Variants in CTNNA3 observed in about 807,000 individuals in gnomAD.
The protein encoded by CTNNA3 is catenin alpha 3.
Under a neutral mutation model 95.7 loss-of-function variants are expected in CTNNA3, and 76 were observed. That is an observed-to-expected ratio of 0.79 (90% CI 0.66 to 0.96). The LOEUF (loss-of-function observed/expected upper bound fraction) is 0.96. Among genes scored for constraint, CTNNA3 ranks in the 40% least tolerant of loss-of-function variants. The pLI, the probability that CTNNA3 is intolerant of heterozygous loss-of-function variation, is 0.00. For missense variants in CTNNA3, 1,191 were observed against 1,089.8 expected (o/e 1.09, Z -1.31); for synonymous variants, 431 against 374.4 (o/e 1.15, Z -1.74).
intron 10 of CTNNA3, among the ~76,000 whole-genome samples, chr10:66,532,500 C>T (rs1216601186): frequency 6.6e-6 from 1 of 151,244 alleles, no homozygotes. Flanking sequence ...TTTGAAATGC[C>T]TGACAGCTTG....
At chr10:66,995,419 C>G (rs1925610) in intron 7 of CTNNA3, among the ~76,000 whole-genome samples, 71,420 of 151,936 alleles carry the variant, frequency 0.47, 17,314 homozygotes, top group African/African-American at 0.55. Flanking sequence ...TGGTAGCAGT[C>G]AGCTAGCAGG....
intron 13 of CTNNA3, among the ~76,000 whole-genome samples, chr10:66,212,084 A>G (rs1050548599): frequency 6.8e-6 from 1 of 146,782 alleles, no homozygotes; most frequent in African/African-American, 2.6e-5. Context: ...CTGCATCCCA[A>G]GTTCAGGCAA....
intron 5 of CTNNA3, among the ~76,000 whole-genome samples, chr10:67,307,978 C>G (rs1205897867): frequency 6.6e-6 from 1 of 152,122 alleles, no homozygotes; most frequent in African/African-American, 2.4e-5. Context: ...ATGAAACTAC[C>G]ACTAAGAGGA....
intron 7 of CTNNA3, among the ~76,000 whole-genome samples, chr10:67,172,075 G>A (rs1338521598): frequency 6.6e-6 from 1 of 152,080 alleles, no homozygotes; most frequent in Non-Finnish European, 1.5e-5. Flanking sequence ...CCTGCTCTGT[G>A]CCTTTGCACA....
At chr10:67,207,085 C>T (rs536495778) in intron 6 of CTNNA3, among the ~76,000 whole-genome samples, 4 of 152,132 alleles carry the variant, frequency 2.6e-5, no homozygotes, top group East Asian at 1.9e-4. Context: ...GAGCCGAGAT[C>T]GCACCATTGC....
intron 13 of CTNNA3, among the ~76,000 whole-genome samples, chr10:66,177,492 A>G (rs187378258): frequency 6.6e-6 from 1 of 152,062 alleles, no homozygotes; most frequent in East Asian, 1.9e-4. Flanking sequence ...ACAATTTTGA[A>G]AAAAAAGAGA....
chr10:67,601,734 C>A (rs987690095), intron 3 of CTNNA3, among the ~76,000 whole-genome samples: 2 of 152,130 alleles, frequency 1.3e-5, no homozygotes, highest in African/African-American at 4.8e-5. Context: ...AATACTTTGT[C>A]ATTGTATTGG....
At chr10:66,259,549 T>C (rs187183360) in intron 13 of CTNNA3, among the ~76,000 whole-genome samples, 9 of 152,224 alleles carry the variant, frequency 5.9e-5, no homozygotes, top group Admixed American at 5.9e-4. Context: ...CTCCCTATTA[T>C]CAAAAGTACA....
At chr10:66,337,327 G>C (rs1028837714) in intron 12 of CTNNA3, among the ~76,000 whole-genome samples, 1 of 152,062 alleles carries the variant, frequency 6.6e-6, no homozygotes, top group African/African-American at 2.4e-5. Flanking sequence ...CTACTTTTAA[G>C]CATCTCAAAC....
intron 10 of CTNNA3, among the ~76,000 whole-genome samples, chr10:66,553,197 G>A (rs1842274212): frequency 6.6e-6 from 1 of 151,794 alleles, no homozygotes; most frequent in African/African-American, 2.4e-5. Context: ...TTTTTAAGTA[G>A]TATGGTTTTT....
chr10:66,080,708 C>T (rs918216062), intron 14 of CTNNA3, among the ~76,000 whole-genome samples: 1 of 152,096 alleles, frequency 6.6e-6, no homozygotes, highest in Non-Finnish European at 1.5e-5. Context: ...TGGAACTCAA[C>T]TCTGCTGAAG....
intron 7 of CTNNA3, among the ~76,000 whole-genome samples, chr10:66,803,407 T>C (rs1841507730): frequency 6.6e-6 from 1 of 152,004 alleles, no homozygotes; most frequent in African/African-American, 2.4e-5. Flanking sequence ...TCACTTCCTT[T>C]CCAAAGTCCT....
chr10:67,608,884 A>C (rs1229108654), intron 2 of CTNNA3, among the ~76,000 whole-genome samples: 1 of 152,040 alleles, frequency 6.6e-6, no homozygotes, highest in Non-Finnish European at 1.5e-5. Context: ...TGAGGTCGGG[A>C]GTTCAAGACC....
At chr10:66,384,783 A>G (rs1480486394) in intron 11 of CTNNA3, among the ~76,000 whole-genome samples, 6 of 152,220 alleles carry the variant, frequency 3.9e-5, no homozygotes. Context: ...CAGGATTAAG[A>G]AACTTACTCC....
chr10:66,747,133 C>T (rs1232171758), intron 9 of CTNNA3, among the ~76,000 whole-genome samples: 1 of 152,126 alleles, frequency 6.6e-6, no homozygotes, highest in Non-Finnish European at 1.5e-5. Context: ...GGAATAGAAC[C>T]TAATTCAAAT....
chr10:66,145,076 A>C (rs923470832), intron 13 of CTNNA3, among the ~76,000 whole-genome samples: 1 of 152,132 alleles, frequency 6.6e-6, no homozygotes, highest in African/African-American at 2.4e-5. Flanking sequence ...ATATTTCCTT[A>C]TGAACAACTC....
intron 13 of CTNNA3, among the ~76,000 whole-genome samples, chr10:66,196,767 A>G (rs2086982899): frequency 6.6e-6 from 1 of 152,164 alleles, no homozygotes; most frequent in Admixed American, 6.5e-5. Flanking sequence ...GAACGGAGCA[A>G]TGGAGGCCAT....
chr10:66,512,643 G>A (rs542029264), intron 11 of CTNNA3, among the ~76,000 whole-genome samples: 87 of 152,064 alleles, frequency 5.7e-4, no homozygotes, highest in Non-Finnish European at 7.5e-4. Context: ...ACATCCTTTC[G>A]CTTTCAGAGG....
intron 1 of CTNNA3, among the ~76,000 whole-genome samples, chr10:67,725,449 T>C (rs189077933): frequency 6.6e-6 from 1 of 152,232 alleles, no homozygotes; most frequent in East Asian, 1.9e-4. Context: ...ACTGGTGGGA[T>C]TAAAGGGGTG....
Sources: gnomAD v4.1 joint callset for allele counts (sites outside exome capture counted in the v4.1 genomes callset) on GRCh38, gnomAD v4.1.1 for gene constraint, MANE v1.5 for transcripts, NCBI Gene and HGNC (gene_info 2026-07-23, HGNC 2026-07-21) for gene names.